The following SLC5A9 variants were observed in gnomAD, a reference collection of about 807,000 sequenced individuals.
SLC5A9 encodes sodium/glucose cotransporter 4.
A neutral mutation model predicts 70.9 loss-of-function variants in SLC5A9; 59 were observed. The observed-to-expected ratio is 0.83, with a 90% CI of 0.68 to 1.03. The LOEUF is 1.03. Ranked by LOEUF, SLC5A9 falls within the 50% of genes least tolerant of loss-of-function variation. The probability of loss-of-function intolerance (pLI) is 0.00; values close to 1 mark genes in which losing one functional copy is unlikely to be tolerated. For missense variants in SLC5A9, 832 were observed against 881.1 expected, an observed-to-expected ratio of 0.94 and a Z score of 0.71; for synonymous variants, 340 against 346.5, an observed-to-expected ratio of 0.98 and a Z score of 0.21.
intron 4 of SLC5A9, 148 bp from the exon 5 acceptor site, chr1:48,230,452 C>T: frequency 1.7e-6 from 1 of 601,722 alleles, no homozygotes; most frequent in Non-Finnish European, 3.0e-6. Context: ...ATAAAACCCA[C>T]ACTCCTTAGC....
rs1164404291 is a variant in SLC5A9, at chr1:48,239,588, C to A, written c.1677+51C>A. Reference sequence around the variant, plus strand: ...CCTCCAGAAATGCTCTCCCTTCCCCCATAGCCTAGAATTCCACTGCTGACT... The same window carrying A: ...CCTCCAGAAATGCTCTCCCTTCCCCAATAGCCTAGAATTCCACTGCTGACT... On this transcript the variant is annotated intron_variant, in intron 12 of 13. Coordinates refer to ENST00000438567, the MANE Select transcript of SLC5A9 (RefSeq NM_001011547.3). The surrounding 1 kb of genome is among the most constrained non-coding windows in gnomAD (Gnocchi z 4.2). 6.5e-6 allele frequency: 10 copies of A among 1,537,746 alleles called. No individual in the cohort carries two copies. The highest frequency in any genetic ancestry group is 9.0e-6 in the Non-Finnish European group (10 of 1,111,896).
intron 9 of SLC5A9, among the ~76,000 whole-genome samples, chr1:48,235,310 A>G (rs1644311105): frequency 1.3e-5 from 2 of 152,198 alleles, no homozygotes; most frequent in African/African-American, 2.4e-5. Context: ...AAACAGATCC[A>G]CCCAATTATT....
chr1:48,224,358 A>G (rs1222576558), intron 1 of SLC5A9, among the ~76,000 whole-genome samples: 5 of 152,224 alleles, frequency 3.3e-5, no homozygotes, highest in Non-Finnish European at 7.3e-5. Flanking sequence ...GCTCAGAGAA[A>G]GGGTGAGCAC....
chr1:48,235,255 T>C (rs1161144171), intron 9 of SLC5A9, among the ~76,000 whole-genome samples: 1 of 152,172 alleles, frequency 6.6e-6, no homozygotes, highest in Non-Finnish European at 1.5e-5. Flanking sequence ...AAGCCAGGGC[T>C]TTAGCCCAAC....
chr1:48,241,898 G>T, intron 12 of SLC5A9: 1 of 456,096 alleles, frequency 2.2e-6, no homozygotes, highest in South Asian at 1.5e-5. Context: ...GGCTCTTTCA[G>T]TCAGTCATGG....
At chr1:48,238,423 T>C (rs1644355954) in intron 11 of SLC5A9, 1 of 152,338 alleles carries the variant, frequency 6.6e-6, no homozygotes, top group Non-Finnish European at 1.5e-5. Context: ...GCATTATTCA[T>C]GCAGTGCCAC....
intron 5 of SLC5A9, 151 bp from the exon 6 acceptor site, chr1:48,231,394 C>G: frequency 2.1e-6 from 2 of 968,704 alleles, no homozygotes; most frequent in South Asian, 1.7e-5. Flanking sequence ...GAGGGGAACA[C>G]TAGGTGCGGA....
intron 9 of SLC5A9, 60 bp downstream of exon 9, chr1:48,233,822 C>A: frequency 7.9e-7 from 1 of 1,258,112 alleles, no homozygotes; most frequent in Non-Finnish European, 1.2e-6. Flanking sequence ...CCAATCTCCA[C>A]TGCCCAGGAG....
chr1:48,236,014 A>T, intron 10 of SLC5A9, 135 bp downstream of exon 10: 1 of 979,794 alleles, frequency 1.0e-6, no homozygotes, highest in Non-Finnish European at 1.5e-6. Context: ...CCAGCTCTCC[A>T]CATGATTTCA....
At chr1:48,231,123 G>T (rs939931386) in intron 5 of SLC5A9, among the ~76,000 whole-genome samples, 1 of 152,134 alleles carries the variant, frequency 6.6e-6, no homozygotes, top group African/African-American at 2.4e-5. Context: ...GCACAGGGCT[G>T]GGCACCCTGG....
At position 48,232,119 on chromosome 1, in the gene SLC5A9, G is replaced by A. The variant is rs1459070578; in HGVS notation, c.865G>A (p.Val289Met). ...GCCAGGTCTCATTTTCGGGCTCACA[G>A]TGCTGGCCACCTGGTGTTGGTGCAC... ...PWPGLIFGLTVLATWCWCTDQ... is the reference protein window; with the variant it reads ...PWPGLIFGLTMLATWCWCTDQ... The change falls in exon 7 of 14, where the codon GTG (valine) becomes ATG (methionine). Residue 289 changes from valine to methionine, a missense_variant. Transcript: ENST00000438567. 6.2e-7 allele frequency: 1 copy of A among 1,614,026 alleles called. No individual in the cohort carries two copies. The highest frequency in any genetic ancestry group is 1.1e-5 in the South Asian group (1 of 91,066).
chr1:48,232,902 GA>G (rs1644271242), intron 8 of SLC5A9, among the ~76,000 whole-genome samples: 1 of 138,506 alleles, frequency 7.2e-6, no homozygotes, highest in Non-Finnish European at 1.6e-5. Context: ...AGGAAGGAAG[GA>G]AGGAGAAGAA....
rs992369288 is a variant in SLC5A9 at position 48,245,964 on chromosome 1, A to C, written c.1838-1371A>C. The stretch of plus-strand genomic sequence containing the variant: ...CAACAGAGTGAGACCCTGTCTCAAA[A>C]TATATATATAATATATAAAATATAT... On this transcript the variant is annotated intron_variant, in intron 13 of 13. Transcript: ENST00000438567. Among the ~76,000 whole-genome samples the C allele has an allele frequency of 4.6e-5, 7 of 151,058 alleles. No homozygotes were observed. The South Asian group carries it at 1.0e-3, about 22-fold the overall frequency.
chr1:48,242,387 T>A (rs1644400939), intron 12 of SLC5A9, 70 bp from the exon 13 acceptor site: 1 of 1,504,270 alleles, frequency 6.6e-7, no homozygotes, highest in African/African-American at 1.4e-5. Context: ...CTTCCATAAA[T>A]GGGCCTCTGT....
At position 48,230,678 on chromosome 1, in the gene SLC5A9, G is replaced by T. The variant is rs1372946914; in HGVS notation, c.583G>T (p.Val195Leu). ...GTACCTCTCCACAGGGATCCTGCTG[G>T]TGGTGACTGCCGTCTACACCATTGC... The part of the protein sequence containing the change: ...NLYLSTGILL[V>L]VTAVYTIAGG... Residue 195 changes from valine (V) to leucine (L), a missense_variant, in exon 5 of 14, where the codon GTG (valine) becomes TTG (leucine). Coordinates refer to ENST00000438567, the MANE Select transcript of SLC5A9 (RefSeq NM_001011547.3). 1.2e-6 allele frequency: 2 copies of T among 1,613,932 alleles called. No homozygotes were observed. The highest frequency in any genetic ancestry group is 1.7e-6 in the Non-Finnish European group (2 of 1,179,976).
In SLC5A9 at chr1:48,239,368, G is replaced by T. The variant is rs201842032; in HGVS notation, c.1508G>T (p.Arg503Leu). 6.2e-6 allele frequency: 10 copies of T among 1,614,084 alleles called. No homozygotes were observed. In the East Asian group the frequency reaches 2.2e-4, roughly 36 times the overall value. Residue 503 changes from arginine to leucine, a missense_variant, in exon 12 of 14, where the codon CGT becomes CTT. Physicochemically the swap from Arg to Leu is moderately radical, Grantham distance 102 (BLOSUM62 -2). Coordinates refer to ENST00000438567, the MANE Select transcript of SLC5A9 (RefSeq NM_001011547.3). The surrounding 1 kb of genome is among the most constrained non-coding windows in gnomAD (Gnocchi z 4.2). ...TTTGGCCTGGGAGTGGGGCTTCTGC[G>T]TATGATCCTGGAGTTCTCATACCCA... is the stretch of plus-strand genomic sequence containing the variant. ...LVFGLGVGLL[R>L]MILEFSYPAP...
intron 9 of SLC5A9, among the ~76,000 whole-genome samples, chr1:48,234,788 G>A (rs1037237476): frequency 4.6e-5 from 7 of 152,100 alleles, no homozygotes; most frequent in African/African-American, 1.7e-4. Context: ...CTAGGACAGA[G>A]CTGCCCTGAG....
chr1:48,232,757 GT>G (rs899425346), intron 8 of SLC5A9, among the ~76,000 whole-genome samples: 8 of 151,622 alleles, frequency 5.3e-5, no homozygotes, highest in African/African-American at 1.9e-4. Flanking sequence ...CTGCATTCCA[GT>G]TTGGGAGACA....
At chr1:48,235,362 C>A (rs907053250) in intron 9 of SLC5A9, among the ~76,000 whole-genome samples, 4 of 152,136 alleles carry the variant, frequency 2.6e-5, no homozygotes, top group African/African-American at 9.7e-5. Context: ...ACCCACTAAC[C>A]AAGTGTCTAC....
Sources: allele counts gnomAD v4.1 joint callset (sites outside exome capture counted in the v4.1 genomes callset), GRCh38; gene constraint gnomAD v4.1.1; non-coding constraint Gnocchi (gnomAD v3.1); transcripts MANE v1.5; gene names NCBI Gene and HGNC (gene_info 2026-07-23, HGNC 2026-07-21).